The following GPR155 variants were observed in gnomAD, a reference collection of about 807,000 sequenced individuals.
GPR155 encodes the protein G protein-coupled receptor 155.
In GPR155, 65 loss-of-function variants were observed where a neutral mutation model predicts 93.1. The observed-to-expected ratio is 0.70, with a 90% confidence interval of 0.57 to 0.86. The LOEUF is 0.86. GPR155 is among the 40% of genes least tolerant of loss of function. GPR155 has a pLI of 0.00. For synonymous variants in GPR155, 319 were observed against 360.1 expected, an observed-to-expected ratio of 0.89 and a Z score of 1.29; for missense variants, 838 against 1,034.8, an observed-to-expected ratio of 0.81 and a Z score of 2.61.
intron 11 of GPR155, 145 bp from the exon 12 acceptor site, chr2:174,446,892 G>GCT: frequency 1.4e-6 from 1 of 724,934 alleles, no homozygotes; most frequent in South Asian, 1.7e-5. Flanking sequence ...TTGGAAGAAA[G>GCT]CTCCTTCATG....
At chr2:174,442,832 C>T (rs1687006234) in intron 13 of GPR155, among the ~76,000 whole-genome samples, 1 of 152,168 alleles carries the variant, frequency 6.6e-6, no homozygotes, top group Admixed American at 6.5e-5. Flanking sequence ...CTTCATCCCC[C>T]ATACTATAAA....
intron 7 of GPR155, among the ~76,000 whole-genome samples, chr2:174,465,123 C>CT (rs1005056187): frequency 1.3e-5 from 2 of 152,140 alleles, no homozygotes; most frequent in African/African-American, 4.8e-5. Flanking sequence ...TTTGAATATC[C>CT]TTTTTGGAGC....
chr2:174,485,497 TGAGGCAGGAGAATCTCTTGCACCCGG>T lies in GPR155; in HGVS notation c.-32+1350_-32+1375del, dbSNP rs1688450133. Among the ~76,000 whole-genome samples the T allele has an allele frequency of 4.0e-5, 6 of 150,362 alleles. No individual in the cohort carries two copies. In the South Asian group the frequency reaches 1.3e-3, roughly 31 times the overall value. On this transcript the variant is annotated intron_variant, in intron 1 of 15. Coordinates refer to ENST00000392552, the MANE Select transcript of GPR155 (RefSeq NM_152529.7). ...CTGTAATCCCAGCTACTCGGGAAGC[TGAGGCAGGAGAATCTCTTGCACCCGG>T]GAGGCAGAGGTTGCAGTGAGCCGAG...
At chr2:174,449,446 T>C (rs754150655) in intron 11 of GPR155, among the ~76,000 whole-genome samples, 1 of 152,196 alleles carries the variant, frequency 6.6e-6, no homozygotes, top group Non-Finnish European at 1.5e-5. Flanking sequence ...ATCACAGCAC[T>C]ACTCACAACA....
chr2:174,473,234 T>C lies in GPR155; in HGVS notation c.591A>G (p.Gln197=). ...FCEIQKWKDT[Q]NASQNKIKIV... ...TTTTTATTTTATTTTGAGAAGCATT[T>C]TGAGTGTCTTTCCACTTTTGGATTT... is the stretch of plus-strand genomic sequence containing the variant. Residue 197 remains glutamine, a synonymous_variant, in exon 3 of 16, where the codon CAA becomes CAG. Coordinates refer to ENST00000392552, the MANE Select transcript of GPR155 (RefSeq NM_152529.7). 6.2e-7 allele frequency: 1 copy of C among 1,613,874 alleles called. No individual in the cohort carries two copies. Among genetic ancestry groups the C allele is most frequent in the African/African-American group, 1.3e-5 (1 of 74,928 alleles).
chr2:174,462,801 C>T (rs1221649142), intron 7 of GPR155, among the ~76,000 whole-genome samples: 3 of 152,172 alleles, frequency 2.0e-5, no homozygotes, highest in Admixed American at 6.5e-5. Flanking sequence ...CTTGAACTTT[C>T]CTTACAACTT....
At chr2:174,442,479 C>T (rs1193348760) in intron 13 of GPR155, among the ~76,000 whole-genome samples, 1 of 152,136 alleles carries the variant, frequency 6.6e-6, no homozygotes, top group African/African-American at 2.4e-5. Context: ...TTTGTTTCCC[C>T]TTTATAAAAA....
Position 174,433,814 on chromosome 2 carries a change from G to C in GPR155, c.*2302C>G, listed in dbSNP as rs547054641. 1.3e-5 allele frequency: 2 copies of C among 152,246 alleles called. No homozygotes were observed. Among genetic ancestry groups the C allele is most frequent in the East Asian group, 3.9e-4 (2 of 5,180 alleles). The allele number at this position is 152,246 out of a possible 1,614,324, so 9.4% of individuals were successfully genotyped here. Reference sequence around the variant, plus strand: ...CCAAAACTGTGAGAAATAAGTTTATGTTGTTTATAAGCTATCCAGTTTATA... The same window carrying C: ...CCAAAACTGTGAGAAATAAGTTTATCTTGTTTATAAGCTATCCAGTTTATA... On this transcript the variant is annotated 3_prime_UTR_variant, in exon 16 of 16. Transcript: ENST00000392552.
Position 174,473,063 on chromosome 2 carries a change from T to G in GPR155, c.762A>C (p.Gly254=), listed in dbSNP as rs1417580197. The part of the protein sequence containing the change: ...FLDGLGNSFS[G]SALFYLGLTM... ...TGAGACCAAGATAAAATAGGGCTGA[T>G]CCAGAAAAAGAATTTCCAAGTCCAT... The change falls in exon 3 of 16, where the codon GGA becomes GGC. Residue 254 remains glycine (G), a synonymous_variant. Coordinates refer to ENST00000392552, the MANE Select transcript of GPR155 (RefSeq NM_152529.7). 1 of 1,600,756 alleles carries G rather than the reference T, an allele frequency of 6.2e-7. No homozygotes were observed. The highest frequency in any genetic ancestry group is 8.5e-7 in the Non-Finnish European group (1 of 1,176,978).
chr2:174,463,606 A>G (rs967398124), intron 7 of GPR155, among the ~76,000 whole-genome samples: 1 of 152,248 alleles, frequency 6.6e-6, no homozygotes, highest in African/African-American at 2.4e-5. Flanking sequence ...AATATCAGTG[A>G]GATAACAAGG....
At chr2:174,480,554 C>T (rs1448082215) in intron 2 of GPR155, among the ~76,000 whole-genome samples, 1 of 151,888 alleles carries the variant, frequency 6.6e-6, no homozygotes, top group Non-Finnish European at 1.5e-5. Context: ...TAGAATGTTT[C>T]CTTTCAAGAT....
At chr2:174,476,815 T>C (rs1270960664) in intron 2 of GPR155, among the ~76,000 whole-genome samples, 1 of 152,120 alleles carries the variant, frequency 6.6e-6, no homozygotes, top group Non-Finnish European at 1.5e-5. Context: ...TATCTCCTTT[T>C]TTTACCTAAA....
At position 174,477,738 on chromosome 2, in the gene GPR155, G is replaced by A. The variant is rs527685679; in HGVS notation, c.460+3759C>T. Among the ~76,000 whole-genome samples the A allele has an allele frequency of 1.9e-3, 287 of 152,088 alleles. 1 individual carries two copies. The highest frequency in any genetic ancestry group is 2.8e-3 in the Non-Finnish European group (189 of 67,986). Reference sequence around the variant, plus strand: ...CGGTATAGTATAGTAACTAAAATTAGGTTTACAATCATTATATCAACTTTT... The same window carrying A: ...CGGTATAGTATAGTAACTAAAATTAAGTTTACAATCATTATATCAACTTTT... On this transcript the variant is annotated intron_variant, in intron 2 of 15. Coordinates refer to ENST00000392552, the MANE Select transcript of GPR155 (RefSeq NM_152529.7).
chr2:174,440,895 TC>T (rs1686938768), intron 14 of GPR155, among the ~76,000 whole-genome samples: 1 of 152,192 alleles, frequency 6.6e-6, no homozygotes, highest in Non-Finnish European at 1.5e-5. Flanking sequence ...ACTTGAGTTT[TC>T]CGTAAGCTGT....
intron 2 of GPR155, among the ~76,000 whole-genome samples, chr2:174,477,041 G>A (rs1574737453): frequency 6.6e-6 from 1 of 152,100 alleles, no homozygotes; most frequent in African/African-American, 2.4e-5. Context: ...TGAATGGTAC[G>A]AACACATCAA....
In GPR155 at chr2:174,480,587, C is replaced by T. The variant is rs150075180; in HGVS notation, c.460+910G>A. Among the ~76,000 whole-genome samples the T allele has an allele frequency of 4.8e-3, 722 of 151,858 alleles. 15 individuals are homozygous for T. The highest frequency in any genetic ancestry group is 0.033 in the Admixed American group (500 of 15,248). On this transcript the variant is annotated intron_variant, in intron 2 of 15. Transcript: ENST00000392552. The stretch of plus-strand genomic sequence containing the variant: ...GATATGTCAATATCCCAAACTGGTA[C>T]GTTTACTGTTTCATTAGTAAAACAT...
rs11385015 is a variant in GPR155, at chr2:174,460,154, A to ATTTTTT, written c.1561-72_1561-67dup. On this transcript the variant is annotated intron_variant, in intron 9 of 15. Transcript: ENST00000392552. ...CTTCATCTTGATAATCTTAGGGCACATTTTTTTTTTTTTTTTTTTTTTTTG... is the reference window on the plus strand; with the variant it reads ...CTTCATCTTGATAATCTTAGGGCACATTTTTTTTTTTTTTTTTTTTTTTTTTTTTTG... 9.2e-5 allele frequency: 37 copies of ATTTTTT among 400,036 alleles called. 1 individual carries two copies. The highest frequency in any genetic ancestry group is 7.2e-4 in the African/African-American group (20 of 27,640). 24.8% of individuals were successfully genotyped at this position (400,036 alleles called of 1,614,324 possible).
At chr2:174,476,890 A>G (rs530521071) in intron 2 of GPR155, among the ~76,000 whole-genome samples, 4 of 152,290 alleles carry the variant, frequency 2.6e-5, no homozygotes, top group African/African-American at 9.6e-5. Context: ...AACCTACATC[A>G]TTAATCTCCC....
chr2:174,481,683 C>T lies in GPR155; in HGVS notation c.274G>A (p.Val92Ile). ...CAGTCCACATTGGAAAAATTAAGTA[C>T]AACCATGTTTTTGAATAATAAAGCT... ...LPALLFKNMVVLNFSNVDWSF... is the reference protein window; with the variant it reads ...LPALLFKNMVILNFSNVDWSF... The change falls in exon 2 of 16, where the codon GTA (valine) becomes ATA (isoleucine). Residue 92 changes from valine to isoleucine, a missense_variant. This residue lies in a region of GPR155 where 663 missense variants were observed against 790.1 expected (regional missense o/e 0.84). Transcript: ENST00000392552. 6.2e-7 allele frequency: 1 copy of T among 1,614,064 alleles called. No homozygotes were observed.
Sources: gnomAD v4.1 joint callset for allele counts (sites outside exome capture counted in the v4.1 genomes callset) on GRCh38, gnomAD v4.1.1 for gene constraint, gnomAD v4.1.1 regional missense constraint, MANE v1.5 for transcripts, NCBI Gene and HGNC (gene_info 2026-07-23, HGNC 2026-07-21) for gene names.